GRID2: variants seen among roughly 807,000 people sequenced by gnomAD.
GRID2 encodes glutamate receptor ionotropic, delta-2.
A neutral mutation model predicts 114.8 loss-of-function variants in GRID2; 33 were observed. That is an observed-to-expected ratio of 0.29 (90% CI 0.22 to 0.38). The LOEUF (loss-of-function observed/expected upper bound fraction) is 0.38, where lower values mean the gene tolerates loss of function less well. GRID2 is among the 10% of genes least tolerant of loss of function. The pLI, the probability that GRID2 is intolerant of heterozygous loss-of-function variation, is 1.00. For missense variants in GRID2, 1,184 were observed against 1,257.7 expected, an observed-to-expected ratio of 0.94 and a Z score of 0.89; for synonymous variants, 505 against 449.9, an observed-to-expected ratio of 1.12 and a Z score of -1.55.
intron 13 of GRID2, among the ~76,000 whole-genome samples, chr4:93,551,724 T>G (rs1470013564): frequency 6.6e-6 from 1 of 152,210 alleles, no homozygotes; most frequent in Admixed American, 6.5e-5. Flanking sequence ...CAAAAGTTAT[T>G]GTGGTTTTTG....
At chr4:92,564,455 T>G (rs1727242586) in intron 1 of GRID2, among the ~76,000 whole-genome samples, 1 of 151,934 alleles carries the variant, frequency 6.6e-6, no homozygotes, top group Non-Finnish European at 1.5e-5. Flanking sequence ...CAAGTGCCAA[T>G]AGAGCACCTG....
intron 2 of GRID2, among the ~76,000 whole-genome samples, chr4:92,745,857 A>C (rs2149334780): frequency 6.6e-6 from 1 of 152,262 alleles, no homozygotes; most frequent in East Asian, 1.9e-4. Context: ...AGCAAAAATA[A>C]GTGATATAAA....
intron 13 of GRID2, among the ~76,000 whole-genome samples, chr4:93,558,987 C>T (rs1232933654): frequency 1.3e-5 from 2 of 152,164 alleles, no homozygotes; most frequent in Non-Finnish European, 2.9e-5. Context: ...ACAAAAACTA[C>T]ATGATAATCT....
chr4:92,968,282 A>G (rs1383408011), intron 2 of GRID2, among the ~76,000 whole-genome samples: 1 of 151,880 alleles, frequency 6.6e-6, no homozygotes, highest in Non-Finnish European at 1.5e-5. Context: ...TAATTTTATT[A>G]ATTAAATTTG....
intron 8 of GRID2, among the ~76,000 whole-genome samples, chr4:93,317,680 C>T (rs571669462): frequency 1.3e-5 from 2 of 151,940 alleles, no homozygotes; most frequent in Non-Finnish European, 2.9e-5. Flanking sequence ...AATGTCTACA[C>T]ATTTTGAATC....
intron 2 of GRID2, among the ~76,000 whole-genome samples, chr4:92,614,380 A>G (rs1241135835): frequency 6.6e-6 from 1 of 151,638 alleles, no homozygotes; most frequent in East Asian, 1.9e-4. Flanking sequence ...TTTTGCGGTT[A>G]ACACTGCTTT....
chr4:92,565,909 T>C (rs1352766143), intron 1 of GRID2, among the ~76,000 whole-genome samples: 3 of 152,000 alleles, frequency 2.0e-5, no homozygotes, highest in Non-Finnish European at 4.4e-5. Flanking sequence ...TAATTCACAG[T>C]TTTGTATGTT....
intron 1 of GRID2, among the ~76,000 whole-genome samples, chr4:92,422,219 T>C (rs1731942362): frequency 6.6e-6 from 1 of 151,958 alleles, no homozygotes; most frequent in African/African-American, 2.4e-5. Flanking sequence ...AGCTTGGTGA[T>C]TTTTGGAAGA....
At chr4:93,712,296 CT>C (rs34774463) in intron 14 of GRID2, among the ~76,000 whole-genome samples, 1 of 151,828 alleles carries the variant, frequency 6.6e-6, no homozygotes, top group Non-Finnish European at 1.5e-5. Flanking sequence ...TGGAATCTAT[CT>C]TTTAGTGTGC....
intron 2 of GRID2, among the ~76,000 whole-genome samples, chr4:93,012,375 A>G (rs1332213440): frequency 6.6e-6 from 1 of 151,968 alleles, no homozygotes; most frequent in Non-Finnish European, 1.5e-5. Flanking sequence ...CATCACCCCC[A>G]TATACTATAC....
At chr4:93,284,147 A>G (rs1300122373) in intron 8 of GRID2, among the ~76,000 whole-genome samples, 2 of 152,060 alleles carry the variant, frequency 1.3e-5, no homozygotes, top group Non-Finnish European at 2.9e-5. Context: ...TAAATCTTCA[A>G]TTTACAGCCC....
chr4:93,078,826 AATTAT>A (rs1436934569), intron 2 of GRID2, among the ~76,000 whole-genome samples: 9 of 146,832 alleles, frequency 6.1e-5, no homozygotes, highest in Admixed American at 6.8e-5. Context: ...TACTAAATAT[AATTAT>A]ATTTAGTATA....
At chr4:92,801,985 T>G (rs1177384060) in intron 2 of GRID2, among the ~76,000 whole-genome samples, 3 of 151,948 alleles carry the variant, frequency 2.0e-5, no homozygotes, top group African/African-American at 7.2e-5. Context: ...AAATACCACA[T>G]TGTTTTTTTT....
intron 1 of GRID2, among the ~76,000 whole-genome samples, chr4:92,316,889 A>G (rs548418328): frequency 2.0e-5 from 3 of 152,318 alleles, no homozygotes; most frequent in South Asian, 4.1e-4. Context: ...TTGTAGCTAT[A>G]GGCTACAAAG....
At chr4:93,440,889 A>T (rs1389014205) in intron 10 of GRID2, among the ~76,000 whole-genome samples, 1 of 152,134 alleles carries the variant, frequency 6.6e-6, no homozygotes, top group East Asian at 1.9e-4. Flanking sequence ...TGGCAAGCGC[A>T]GATAAGTGGT....
chr4:92,360,703 G>A (rs974613869), intron 1 of GRID2, among the ~76,000 whole-genome samples: 6 of 151,928 alleles, frequency 3.9e-5, no homozygotes, highest in Non-Finnish European at 8.8e-5. Flanking sequence ...ACTAGGTAGA[G>A]AGTGGAAGGG....
intron 13 of GRID2, among the ~76,000 whole-genome samples, chr4:93,559,205 G>A (rs1734638413): frequency 6.6e-6 from 1 of 152,046 alleles, no homozygotes; most frequent in Non-Finnish European, 1.5e-5. Flanking sequence ...AACACCAAAA[G>A]CAATGGCAAC....
intron 1 of GRID2, among the ~76,000 whole-genome samples, chr4:92,351,507 G>A (rs1209626413): frequency 1.3e-5 from 2 of 151,612 alleles, no homozygotes; most frequent in Non-Finnish European, 3.0e-5. Context: ...TTTGTGTTGG[G>A]ATCTTTCAAC....
chr4:93,808,786 C>A (rs1205436292), exon 2 of GRID2: 1 of 152,174 alleles, frequency 6.6e-6, no homozygotes, highest in Non-Finnish European at 1.5e-5. Context: ...TTCAGGGAAT[C>A]ATCTGGGTTC....
Sources: allele counts gnomAD v4.1 joint callset (sites outside exome capture counted in the v4.1 genomes callset), GRCh38; gene constraint gnomAD v4.1.1; transcripts MANE v1.5; gene names NCBI Gene and HGNC (gene_info 2026-07-23, HGNC 2026-07-21).